The following TMCC3 variants were observed in gnomAD, a reference collection of about 807,000 sequenced individuals.
TMCC3 encodes transmembrane and coiled-coil domain family 3, also known as transmembrane and coiled-coil domain protein 3.
In TMCC3, 28 loss-of-function variants were observed where a neutral mutation model predicts 40.2. The observed-to-expected ratio is 0.70, with a 90% confidence interval of 0.52 to 0.95. TMCC3 has a LOEUF of 0.95. Among genes scored for constraint, TMCC3 ranks in the 40% least tolerant of loss-of-function variants. The probability of loss-of-function intolerance (pLI) is 0.00; values close to 1 mark genes in which losing one functional copy is unlikely to be tolerated. For missense variants in TMCC3, 554 were observed against 615.2 expected, an observed-to-expected ratio of 0.90 and a Z score of 1.05; for synonymous variants, 255 against 248.5, an observed-to-expected ratio of 1.03 and a Z score of -0.25.
chr12:94,593,728 A>T (rs2068697904), intron 1 of TMCC3, among the ~76,000 whole-genome samples: 3 of 152,208 alleles, frequency 2.0e-5, no homozygotes, highest in Non-Finnish European at 2.9e-5. Flanking sequence ...CTCTACCAGG[A>T]AACAGTGGTA....
At chr12:94,597,108 T>C (rs970413228) in intron 1 of TMCC3, among the ~76,000 whole-genome samples, 3 of 126,024 alleles carry the variant, frequency 2.4e-5, no homozygotes, top group Non-Finnish European at 5.2e-5. Flanking sequence ...AGTAAGTCAC[T>C]GTCTCTATTA....
chr12:94,635,688 C>T (rs190788102), intron 1 of TMCC3, among the ~76,000 whole-genome samples: 1,947 of 103,024 alleles, frequency 0.019, 49 homozygotes, highest in Admixed American at 0.1. Context: ...TTTTTTGAGA[C>T]GGAGTCTGGC....
chr12:94,627,942 G>A (rs1299339902), intron 1 of TMCC3, among the ~76,000 whole-genome samples: 1 of 152,202 alleles, frequency 6.6e-6, no homozygotes, highest in Admixed American at 6.5e-5. Flanking sequence ...CATAGTAGGT[G>A]CTCAATACAC....
chr12:94,631,028 C>T (rs1164574722), intron 1 of TMCC3, among the ~76,000 whole-genome samples: 2 of 152,208 alleles, frequency 1.3e-5, no homozygotes, highest in East Asian at 3.8e-4. Context: ...CATGCGTGAG[C>T]CACGGTGCCC....
intron 1 of TMCC3, among the ~76,000 whole-genome samples, chr12:94,615,126 G>A (rs192604048): frequency 9.2e-5 from 14 of 152,274 alleles, no homozygotes; most frequent in Admixed American, 2.0e-4. Context: ...ATAAATGTGT[G>A]CAAATATTTT....
chr12:94,588,259 C>T (rs2068649907), intron 1 of TMCC3, among the ~76,000 whole-genome samples: 1 of 152,096 alleles, frequency 6.6e-6, no homozygotes, highest in African/African-American at 2.4e-5. Context: ...GGGAGATGAA[C>T]CAAAAAGGAA....
chr12:94,567,921 G>A lies in TMCC3; in HGVS notation c.*3514C>T, dbSNP rs959219496. 3 of 152,234 alleles carry A rather than the reference G, an allele frequency of 2.0e-5. No individual in the cohort carries two copies. Among genetic ancestry groups the A allele is most frequent in the African/African-American group, 4.8e-5 (2 of 41,470 alleles). The allele number at this position is 152,234 out of a possible 1,614,324, so 9.4% of individuals were successfully genotyped here. ...AAAAGTAATTAGTTGCCTGAGGGAA[G>A]CTAGTTCCTCATTATTACTGAGCCC... On this transcript the variant is annotated 3_prime_UTR_variant, in exon 4 of 4. Transcript: ENST00000261226.
chr12:94,640,287 G>A (rs895757575), intron 1 of TMCC3, among the ~76,000 whole-genome samples: 2 of 152,138 alleles, frequency 1.3e-5, no homozygotes, highest in Non-Finnish European at 2.9e-5. Flanking sequence ...GGGCTCAGGT[G>A]ATCCTCCCAC....
At chr12:94,593,408 A>AGGAAGAGGAAG (rs1566320626) in intron 1 of TMCC3, among the ~76,000 whole-genome samples, 1 of 29,824 alleles carries the variant, frequency 3.4e-5, no homozygotes, top group African/African-American at 1.8e-4. Context: ...AAAGAAGAAG[A>AGGAAGAGGAAG]AGGAAGAAGA....
chr12:94,583,621 G>C (rs1381169997), intron 1 of TMCC3, among the ~76,000 whole-genome samples: 1 of 152,210 alleles, frequency 6.6e-6, no homozygotes. Flanking sequence ...CCTGGTGAAG[G>C]GGGTGGCAAG....
At position 94,582,124 on chromosome 12, in the gene TMCC3, G is replaced by A. The variant is rs374305237; in HGVS notation, c.493C>T (p.Arg165Cys). The change falls in exon 2 of 4, where the codon CGC (arginine) becomes TGC (cysteine). Residue 165 changes from arginine to cysteine, a missense_variant. Coordinates refer to ENST00000261226, the MANE Select transcript of TMCC3 (RefSeq NM_020698.4). ...ISKDHLKDIH[R>C]SLKDAHVKSR... ...TTCACGTGGGCATCTTTCAAAGAGC[G>A]ATGTATATCCTTCAGGTGGTCTTTG... 1.0e-4 allele frequency: 162 copies of A among 1,614,136 alleles called. No individual in the cohort carries two copies. In the Admixed American group the frequency reaches 2.3e-3, roughly 23 times the overall value.
intron 1 of TMCC3, among the ~76,000 whole-genome samples, chr12:94,626,740 G>C (rs1198050386): frequency 1.3e-5 from 2 of 152,204 alleles, no homozygotes; most frequent in Non-Finnish European, 1.5e-5. Flanking sequence ...CCCAAGCCAG[G>C]TATGAACTGA....
At chr12:94,626,812 T>C (rs536225291) in intron 1 of TMCC3, among the ~76,000 whole-genome samples, 1 of 152,288 alleles carries the variant, frequency 6.6e-6, no homozygotes, top group African/African-American at 2.4e-5. Context: ...CACATCCTTA[T>C]AGGGAAACAA....
rs746150534 is a variant in TMCC3, at chr12:94,582,495, A to G, written c.122T>C (p.Ile41Thr). 14 of 1,613,598 alleles carry G rather than the reference A, an allele frequency of 8.7e-6. No homozygotes were observed. ...DMNTLSLPLN[I>T]RRGGSDTNLN... ...GTTGGTGTCTGACCCCCCTCGGCGT[A>G]TGTTCAGGGGCAGGCTTAAGGTATT... Residue 41 changes from isoleucine (I) to threonine (T), a missense_variant, in exon 2 of 4, where the codon ATA becomes ACA. Ile to Thr is a moderately conservative substitution (Grantham distance 89). Coordinates refer to ENST00000261226, the MANE Select transcript of TMCC3 (RefSeq NM_020698.4).
chr12:94,632,753 T>A (rs79846605), intron 1 of TMCC3, among the ~76,000 whole-genome samples: 1 of 152,320 alleles, frequency 6.6e-6, no homozygotes, highest in Admixed American at 6.5e-5. Flanking sequence ...GTTTTATTCA[T>A]GTAGCAAAAT....
At chr12:94,583,596 C>T (rs4761486) in intron 1 of TMCC3, among the ~76,000 whole-genome samples, 82,597 of 152,104 alleles carry the variant, frequency 0.54, 22,512 homozygotes, top group Admixed American at 0.56. Flanking sequence ...AGAACTGCAA[C>T]GCAGCATTGA....
At chr12:94,597,590 A>C (rs926066564) in intron 1 of TMCC3, among the ~76,000 whole-genome samples, 22 of 152,136 alleles carry the variant, frequency 1.4e-4, no homozygotes, top group African/African-American at 4.8e-4. Context: ...GGATCACCTG[A>C]GGTCAGGAGT....
At chr12:94,572,172 G>GT (rs1334397016) in intron 3 of TMCC3, among the ~76,000 whole-genome samples, 1 of 151,966 alleles carries the variant, frequency 6.6e-6, no homozygotes, top group East Asian at 1.9e-4. Context: ...GCTAATTTTT[G>GT]TATTTTTAGT....
At chr12:94,634,138 T>G (rs1026201487) in intron 1 of TMCC3, among the ~76,000 whole-genome samples, 2 of 151,922 alleles carry the variant, frequency 1.3e-5, no homozygotes, top group Admixed American at 6.6e-5. Context: ...AGAGATGAGG[T>G]TTCACCGTGT....
Sources: allele counts gnomAD v4.1 joint callset (sites outside exome capture counted in the v4.1 genomes callset), GRCh38; gene constraint gnomAD v4.1.1; transcripts MANE v1.5; gene names NCBI Gene and HGNC (gene_info 2026-07-23, HGNC 2026-07-21).